Variants in FYN observed in about 807,000 individuals in gnomAD.
FYN encodes the protein FYN proto-oncogene, Src family tyrosine kinase.
Under a neutral mutation model 70.2 loss-of-function variants are expected in FYN, and 10 were observed. The ratio of observed to expected loss-of-function variants is 0.14; its 90% CI spans 0.09 to 0.24. The LOEUF (loss-of-function observed/expected upper bound fraction) is 0.24, where lower values mean the gene tolerates loss of function less well. Among genes scored for constraint, FYN ranks in the 10% least tolerant of loss-of-function variants. The pLI is 1.00. For synonymous variants in FYN, 236 were observed against 248.6 expected (o/e 0.95, Z 0.48); for missense variants, 319 against 673.1 (o/e 0.47, Z 5.82).
At chr6:111,762,173 G>A (rs572360517) in intron 3 of FYN, among the ~76,000 whole-genome samples, 78 of 152,262 alleles carry the variant, frequency 5.1e-4, no homozygotes, top group African/African-American at 8.9e-4. Context: ...GGCTTTCCAC[G>A]AGCAGCAGCG....
intron 12 of FYN, among the ~76,000 whole-genome samples, chr6:111,690,528 T>G (rs958228096): frequency 2.6e-5 from 4 of 152,232 alleles, no homozygotes; most frequent in Non-Finnish European, 4.4e-5. Context: ...GAATTATCTT[T>G]GATTCTTCTC....
intron 2 of FYN, among the ~76,000 whole-genome samples, chr6:111,831,958 C>T (rs1043482857): frequency 2.0e-5 from 3 of 152,100 alleles, no homozygotes; most frequent in African/African-American, 7.2e-5. Context: ...TATCTTATAC[C>T]TGAGATTGAA....
At chr6:111,764,371 G>A (rs973043623) in intron 3 of FYN, among the ~76,000 whole-genome samples, 1 of 152,058 alleles carries the variant, frequency 6.6e-6, no homozygotes, top group Non-Finnish European at 1.5e-5. Context: ...TCACTCTCAC[G>A]GCTGTGGGGC....
At position 111,774,157 on chromosome 6, in the gene FYN, C is replaced by T. The variant is rs117410245; in HGVS notation, c.-12+6409G>A. Among the ~76,000 whole-genome samples, 758 of 152,282 alleles carry T rather than the reference C, an allele frequency of 5.0e-3. 4 individuals are homozygous for T. The highest frequency in any genetic ancestry group is 0.01 in the Middle Eastern group (3 of 294). On this transcript the variant is annotated intron_variant, in intron 3 of 13. Coordinates refer to ENST00000354650, the MANE Select transcript of FYN (RefSeq NM_002037.5). The stretch of plus-strand genomic sequence containing the variant: ...TATAACATGCTGGCTAGCCAGGCCA[C>T]TGGGGTTTTAGAGAGCCTGTTTCCA...
intron 2 of FYN, among the ~76,000 whole-genome samples, chr6:111,830,916 T>C (rs562885948): frequency 1.4e-4 from 22 of 152,026 alleles, no homozygotes; most frequent in Non-Finnish European, 3.2e-4. Context: ...GTAGACATTG[T>C]AGACACTGTA....
chr6:111,718,430 G>T (rs1004570955), intron 4 of FYN, among the ~76,000 whole-genome samples: 19 of 152,158 alleles, frequency 1.2e-4, no homozygotes, highest in Middle Eastern at 3.2e-3. Flanking sequence ...CCTGACTACG[G>T]TGGAGACCCA....
chr6:111,870,631 C>A (rs1482704624), intron 1 of FYN, among the ~76,000 whole-genome samples: 1 of 152,132 alleles, frequency 6.6e-6, no homozygotes, highest in Non-Finnish European at 1.5e-5. Context: ...TAGACTCATG[C>A]GAAACATAAT....
At chr6:111,771,421 A>G (rs546183922) in intron 3 of FYN, among the ~76,000 whole-genome samples, 1 of 152,364 alleles carries the variant, frequency 6.6e-6, no homozygotes, top group South Asian at 2.1e-4. Flanking sequence ...TAACCTACCA[A>G]TTAAAAAATC....
intron 1 of FYN, among the ~76,000 whole-genome samples, chr6:111,863,150 A>T (rs1774012826): frequency 6.6e-6 from 1 of 152,224 alleles, no homozygotes; most frequent in Non-Finnish European, 1.5e-5. Flanking sequence ...CCACAGTGAC[A>T]TGGATCAATA....
intron 1 of FYN, among the ~76,000 whole-genome samples, chr6:111,851,209 T>C (rs775942342): frequency 6.6e-6 from 1 of 152,166 alleles, no homozygotes; most frequent in Non-Finnish European, 1.5e-5. Context: ...GTCCCCCACA[T>C]TGGGAGGATG....
intron 12 of FYN, among the ~76,000 whole-genome samples, chr6:111,681,212 G>C (rs1798767898): frequency 6.6e-6 from 1 of 152,098 alleles, no homozygotes; most frequent in Non-Finnish European, 1.5e-5. Context: ...ATTTTTAGTA[G>C]AGGCGGTGTT....
chr6:111,691,176 G>A (rs1799298971), intron 12 of FYN, among the ~76,000 whole-genome samples: 1 of 152,158 alleles, frequency 6.6e-6, no homozygotes. Context: ...CCTGACATGG[G>A]CTGCTGCTCA....
chr6:111,812,416 T>C (rs994590272), intron 2 of FYN, among the ~76,000 whole-genome samples: 59 of 152,184 alleles, frequency 3.9e-4, no homozygotes, highest in African/African-American at 1.4e-3. Context: ...TCTACTCTAC[T>C]GGCTGTAAAT....
rs1440974031 is a variant in FYN, at chr6:111,780,619, C to T, written c.-65G>A. 1 of 152,604 alleles carries T rather than the reference C, an allele frequency of 6.6e-6. No homozygotes were observed. Among genetic ancestry groups the T allele is most frequent in the Admixed American group, 6.5e-5 (1 of 15,284 alleles). The allele number at this position is 152,604 out of a possible 1,614,324, so 9.5% of individuals were successfully genotyped here. The stretch of plus-strand genomic sequence containing the variant: ...TATATACACCACATGTCTTCTACAA[C>T]AGAGGCAGGACTGGTCCTGAAAAAC... On this transcript the variant is annotated 5_prime_UTR_variant, in exon 3 of 14. Transcript: ENST00000354650.
chr6:111,686,511 G>C (rs1038607710), intron 12 of FYN, among the ~76,000 whole-genome samples: 4 of 152,130 alleles, frequency 2.6e-5, no homozygotes, highest in South Asian at 4.1e-4. Context: ...TCATTTTATG[G>C]CGGCACCACT....
intron 13 of FYN, among the ~76,000 whole-genome samples, chr6:111,663,657 C>T (rs146758272): frequency 1.1e-3 from 172 of 152,338 alleles, no homozygotes; most frequent in African/African-American, 4.0e-3. Flanking sequence ...AATAACCTCA[C>T]TCACGTGTCA....
intron 2 of FYN, among the ~76,000 whole-genome samples, chr6:111,815,494 A>G (rs901327856): frequency 1.3e-5 from 2 of 152,230 alleles, no homozygotes; most frequent in Admixed American, 1.3e-4. Flanking sequence ...CAGCATAAAA[A>G]AAATCTAGGT....
At chr6:111,671,479 A>C (rs976261033) in intron 13 of FYN, among the ~76,000 whole-genome samples, 1 of 152,240 alleles carries the variant, frequency 6.6e-6, no homozygotes, top group African/African-American at 2.4e-5. Flanking sequence ...TGTGTCAAGG[A>C]AACAGCAGGC....
chr6:111,826,769 C>T (rs900488931), intron 2 of FYN, among the ~76,000 whole-genome samples: 2 of 152,152 alleles, frequency 1.3e-5, no homozygotes, highest in Non-Finnish European at 2.9e-5. Context: ...TCTTTTCTCC[C>T]AGCTAAAATA....
Sources: allele counts gnomAD v4.1 joint callset (sites outside exome capture counted in the v4.1 genomes callset), GRCh38; gene constraint gnomAD v4.1.1; transcripts MANE v1.5; gene names NCBI Gene and HGNC (gene_info 2026-07-23, HGNC 2026-07-21).